Variants in IL1RAPL1 observed in about 807,000 individuals in gnomAD.
IL1RAPL1 encodes interleukin 1 receptor accessory protein like 1, also known as interleukin-1 receptor accessory protein-like 1.
Under a neutral mutation model 48.4 loss-of-function variants are expected in IL1RAPL1, and 3 were observed. That is an observed-to-expected ratio of 0.06 (90% CI 0.03 to 0.16). The LOEUF (loss-of-function observed/expected upper bound fraction) is 0.16, where lower values mean the gene tolerates loss of function less well. Ranked by LOEUF, IL1RAPL1 falls within the 10% of genes least tolerant of loss-of-function variation. The pLI is 1.00. For synonymous variants in IL1RAPL1, 185 were observed against 187.7 expected (o/e 0.99, Z 0.12); for missense variants, 349 against 530.6 (o/e 0.66, Z 3.36).
chrX:29,334,738 C>A (rs1932955429), intron 3 of IL1RAPL1, among the ~76,000 whole-genome samples: 1 of 113,034 alleles, frequency 8.8e-6, no homozygotes, highest in East Asian at 2.8e-4. Flanking sequence ...CAGAGACGCT[C>A]CTCACTTCCT....
intron 1 of IL1RAPL1, among the ~76,000 whole-genome samples, chrX:28,761,202 G>T (rs1181964644): frequency 9.0e-6 from 1 of 110,996 alleles, no homozygotes; most frequent in East Asian, 2.8e-4. Flanking sequence ...GAGCAGCTTG[G>T]AGATTTCTCC....
intron 1 of IL1RAPL1, among the ~76,000 whole-genome samples, chrX:28,638,742 CTTAATATT>C (rs1171051168): frequency 9.1e-6 from 1 of 109,543 alleles, no homozygotes; most frequent in Non-Finnish European, 1.9e-5. Context: ...CATAAAGTAC[CTTAATATT>C]TCATTGGCTG....
intron 5 of IL1RAPL1, among the ~76,000 whole-genome samples, chrX:29,607,428 G>A (rs971907995): frequency 8.9e-6 from 1 of 112,002 alleles, no homozygotes; most frequent in Admixed American, 9.4e-5. Flanking sequence ...ATATGAACAA[G>A]CATTTACTCA....
At chrX:29,838,045 T>A (rs1285438788) in intron 6 of IL1RAPL1, among the ~76,000 whole-genome samples, 1 of 111,678 alleles carries the variant, frequency 9.0e-6, no homozygotes, top group Non-Finnish European at 1.9e-5. Flanking sequence ...GTGAAATCCT[T>A]AGGGGCCAAC....
intron 6 of IL1RAPL1, among the ~76,000 whole-genome samples, chrX:29,790,360 G>A (rs949562619): frequency 6.3e-5 from 7 of 110,790 alleles, no homozygotes; most frequent in East Asian, 2.8e-4. Flanking sequence ...TTCTTATTGC[G>A]AACTATAAAA....
chrX:29,013,468 A>G (rs1926171798), intron 2 of IL1RAPL1, among the ~76,000 whole-genome samples: 1 of 112,259 alleles, frequency 8.9e-6, no homozygotes, highest in Non-Finnish European at 1.9e-5. Context: ...ATCAATATAA[A>G]TGCCCATCAG....
chrX:29,021,687 G>A (rs1028650200), intron 2 of IL1RAPL1, among the ~76,000 whole-genome samples: 6 of 111,445 alleles, frequency 5.4e-5, no homozygotes, highest in Admixed American at 9.6e-5. Flanking sequence ...CCTTTTCTCC[G>A]TTATTTTAAA....
At chrX:28,710,797 C>T (rs1935432040) in intron 1 of IL1RAPL1, among the ~76,000 whole-genome samples, 2 of 111,793 alleles carry the variant, frequency 1.8e-5, no homozygotes, top group South Asian at 3.7e-4. Context: ...TTATACTTTT[C>T]GTACTAAGAC....
intron 1 of IL1RAPL1, among the ~76,000 whole-genome samples, chrX:28,747,510 G>A (rs187221598): frequency 9.1e-5 from 10 of 110,463 alleles, no homozygotes; most frequent in Non-Finnish European, 1.1e-4. Flanking sequence ...GGGTGGTGGC[G>A]CACACCTGTA....
intron 6 of IL1RAPL1, among the ~76,000 whole-genome samples, chrX:29,709,460 T>C (rs960437063): frequency 3.6e-5 from 4 of 111,805 alleles, no homozygotes; most frequent in Non-Finnish European, 5.6e-5. Context: ...TTCATAAATA[T>C]ATGGGTTTGT....
chrX:28,682,104 T>C (rs1935066633), intron 1 of IL1RAPL1, among the ~76,000 whole-genome samples: 1 of 98,978 alleles, frequency 1.0e-5, no homozygotes, highest in Non-Finnish European at 2.1e-5. Flanking sequence ...TCATTTATGT[T>C]GTAGCATGTA....
chrX:29,949,742 G>C (rs867533031), intron 9 of IL1RAPL1, among the ~76,000 whole-genome samples: 1 of 111,943 alleles, frequency 8.9e-6, no homozygotes, highest in South Asian at 3.7e-4. Context: ...GCTTTTCAAA[G>C]TTTCACCAGT....
Position 29,855,884 on chromosome X carries a change from T to A in IL1RAPL1, c.779-61580T>A, listed in dbSNP as rs181959838. Among the ~76,000 whole-genome samples the A allele has an allele frequency of 5.4e-5, 6 of 111,521 alleles. No homozygotes were observed. The South Asian group carries it at 1.9e-3, about 35-fold the overall frequency. On this transcript the variant is annotated intron_variant, in intron 6 of 10. Transcript: ENST00000378993. The stretch of plus-strand genomic sequence containing the variant: ...CTCAGAAAGTGGTAGCTACTCTTAC[T>A]GTCTCAGACAGTACCTGAGTCTCTC...
In IL1RAPL1 at chrX:28,800,673, T is replaced by C. The variant is rs1936661916; in HGVS notation, c.82+11248T>C. Among the ~76,000 whole-genome samples, 3 of 110,491 alleles carry C rather than the reference T, an allele frequency of 2.7e-5. No homozygotes were observed. In the Admixed American group the frequency reaches 2.9e-4, roughly 11 times the overall value. On this transcript the variant is annotated intron_variant, in intron 2 of 10. Transcript: ENST00000378993. ...AAGTTTCAAAATGAAAGAATGATCA[T>C]GTTACATTCTTTGGAAAGTTGTGTC...
intron 5 of IL1RAPL1, among the ~76,000 whole-genome samples, chrX:29,644,557 TG>T (rs770419991): frequency 0.066 from 7,075 of 107,957 alleles, 231 homozygotes; most frequent in Middle Eastern, 0.17. Flanking sequence ...TTTTTTTTTT[TG>T]TTTTGTTTTC....
intron 2 of IL1RAPL1, among the ~76,000 whole-genome samples, chrX:28,806,569 C>T (rs2147273806): frequency 9.0e-6 from 1 of 111,268 alleles, no homozygotes; most frequent in East Asian, 2.8e-4. Flanking sequence ...TCATAACAAA[C>T]CCTAGGAATG....
At chrX:29,509,221 C>T (rs753742266) in intron 5 of IL1RAPL1, among the ~76,000 whole-genome samples, 3 of 111,863 alleles carry the variant, frequency 2.7e-5, no homozygotes, top group Admixed American at 9.4e-5. Context: ...ACTGAAGCTG[C>T]AGTCTACAGA....
At chrX:29,003,044 A>G (rs1050685778) in intron 2 of IL1RAPL1, among the ~76,000 whole-genome samples, 5 of 111,325 alleles carry the variant, frequency 4.5e-5, no homozygotes, top group Middle Eastern at 4.7e-3. Context: ...AACTTTGCCT[A>G]GGAGAATAAT....
intron 3 of IL1RAPL1, among the ~76,000 whole-genome samples, chrX:29,318,887 T>C (rs1303366616): frequency 3.6e-5 from 4 of 111,981 alleles, no homozygotes; most frequent in African/African-American, 1.3e-4. Context: ...TTCAGGGAAG[T>C]ACTCATCATT....
Sources: gnomAD v4.1 joint callset for allele counts (sites outside exome capture counted in the v4.1 genomes callset) on GRCh38, gnomAD v4.1.1 for gene constraint, MANE v1.5 for transcripts, NCBI Gene and HGNC (gene_info 2026-07-23, HGNC 2026-07-21) for gene names.